Variants in AFDN observed in about 807,000 individuals in gnomAD.
The protein encoded by AFDN is afadin.
A neutral mutation model predicts 216.6 loss-of-function variants in AFDN; 68 were observed. That is an observed-to-expected ratio of 0.31 (90% CI 0.26 to 0.38). The LOEUF (loss-of-function observed/expected upper bound fraction) is 0.38, where lower values mean the gene tolerates loss of function less well. AFDN is among the 10% of genes least tolerant of loss of function. The pLI is 1.00. For synonymous variants in AFDN, 868 were observed against 853.7 expected (o/e 1.02, Z -0.29); for missense variants, 2,136 against 2,342.0 (o/e 0.91, Z 1.82).
intron 1 of AFDN, among the ~76,000 whole-genome samples, chr6:167,831,942 GTTTC>G (rs1219077070): frequency 6.6e-6 from 1 of 152,146 alleles, no homozygotes; most frequent in Non-Finnish European, 1.5e-5. Context: ...ATATAAACAT[GTTTC>G]TTTATTATAA....
At chr6:167,923,837 C>T (rs960112612) in intron 22 of AFDN, among the ~76,000 whole-genome samples, 1 of 151,920 alleles carries the variant, frequency 6.6e-6, no homozygotes, top group Non-Finnish European at 1.5e-5. Flanking sequence ...GTTGGCCAGC[C>T]TGGTCTCGAA....
At chr6:167,930,938 C>T (rs1368124671) in intron 23 of AFDN, among the ~76,000 whole-genome samples, 1 of 152,112 alleles carries the variant, frequency 6.6e-6, no homozygotes, top group Non-Finnish European at 1.5e-5. Context: ...GAAGTACAAC[C>T]AGAGACTAGT....
rs965086553 is a variant in AFDN, at chr6:167,954,596, G to A, written c.4833+2409G>A. 6 of 947,084 alleles carry A rather than the reference G, an allele frequency of 6.3e-6. No individual in the cohort carries two copies. The Admixed American group carries it at 8.5e-5, about 13-fold the overall frequency. The allele number at this position is 947,084 out of a possible 1,614,324, so 58.7% of individuals were successfully genotyped here. ...TTTTCAGTAGATCCAGTTCTCCTTA[G>A]GGGTGTCCTCCATCAGGAGATGGAG... is the stretch of plus-strand genomic sequence containing the variant. On this transcript the variant is annotated intron_variant, in intron 30 of 33. Coordinates refer to ENST00000683244, the MANE Select transcript of AFDN (RefSeq NM_001386888.1).
intron 23 of AFDN, among the ~76,000 whole-genome samples, chr6:167,942,203 C>A (rs1794776209): frequency 6.6e-6 from 1 of 152,128 alleles, no homozygotes; most frequent in Non-Finnish European, 1.5e-5. Context: ...CGAGTGGTTT[C>A]CAAGTGAAAA....
intron 24 of AFDN, 66 bp from the exon 25 acceptor site, chr6:167,943,336 T>G: frequency 6.6e-7 from 1 of 1,515,734 alleles, no homozygotes; most frequent in East Asian, 2.3e-5. Context: ...CATCATTACC[T>G]TTTCTTCCTC....
intron 3 of AFDN, among the ~76,000 whole-genome samples, 175 bp from the exon 4 acceptor site, chr6:167,872,039 A>G (rs1784853356): frequency 6.6e-6 from 1 of 152,186 alleles, no homozygotes; most frequent in African/African-American, 2.4e-5. Flanking sequence ...AAATACACCC[A>G]TGTAACTGCC....
chr6:167,916,614 G>A (rs543079470), intron 19 of AFDN, among the ~76,000 whole-genome samples: 6 of 152,106 alleles, frequency 3.9e-5, no homozygotes, highest in African/African-American at 1.4e-4. Context: ...TGCAATTAAC[G>A]AAATGAGTCA....
chr6:167,926,936 T>C (rs955864538), intron 23 of AFDN, among the ~76,000 whole-genome samples: 9 of 151,592 alleles, frequency 5.9e-5, no homozygotes, highest in Non-Finnish European at 1.3e-4. Context: ...ATAAGAACAA[T>C]TTTTTTTTAC....
At position 167,827,061 on chromosome 6, in the gene AFDN, C is replaced by T; in HGVS notation, c.-72C>T. On this transcript the variant is annotated 5_prime_UTR_variant, in exon 1 of 34. Transcript: ENST00000683244. ...GGGGGGTGGCGAGGGGCGCCGGGCC[C>T]CCGCGGACCTGTCGTCCTCGGCCCG... The T allele has an allele frequency of 1.4e-6, 1 of 734,894 alleles. No individual in the cohort carries two copies. Among genetic ancestry groups the T allele is most frequent in the Non-Finnish European group, 1.7e-6 (1 of 595,258 alleles). 45.5% of individuals were successfully genotyped at this position (734,894 alleles called of 1,614,324 possible). A position where few individuals can be genotyped will look rare whatever the true frequency, so the allele number is the denominator to read the frequency against.
intron 15 of AFDN, among the ~76,000 whole-genome samples, chr6:167,912,721 G>C (rs1790560036): frequency 6.6e-6 from 1 of 152,140 alleles, no homozygotes; most frequent in African/African-American, 2.4e-5. Context: ...ACCCTTGATA[G>C]CCTTTTCCTT....
At chr6:167,944,660 A>C (rs1795063995) in intron 26 of AFDN, among the ~76,000 whole-genome samples, 2 of 152,210 alleles carry the variant, frequency 1.3e-5, no homozygotes, top group South Asian at 4.1e-4. Flanking sequence ...TGTACTACAC[A>C]AACCTAGATG....
At chr6:167,902,836 A>G (rs1789162333) in intron 12 of AFDN, among the ~76,000 whole-genome samples, 1 of 152,188 alleles carries the variant, frequency 6.6e-6, no homozygotes, top group Non-Finnish European at 1.5e-5. Flanking sequence ...CACTTATAAA[A>G]CATCTTTGTA....
intron 23 of AFDN, among the ~76,000 whole-genome samples, chr6:167,928,359 G>A (rs1317371346): frequency 6.6e-6 from 1 of 152,204 alleles, no homozygotes; most frequent in Non-Finnish European, 1.5e-5. Flanking sequence ...GGGGCAATTA[G>A]GACAACAAGC....
At chr6:167,826,804 AGGTGCGGCGGCGCCGCGCGGG>A (rs1179728385), upstream of AFDN, 1 of 147,120 alleles carries the variant, frequency 6.8e-6, no homozygotes, top group African/African-American at 2.5e-5. Flanking sequence ...AGCGGCCCGG[AGGTGCGGCGGCGCCGCGCGGG>A]GCGGCGGCGC....
At position 167,948,352 on chromosome 6, in the gene AFDN, A is replaced by C; in HGVS notation, c.3705A>C (p.Arg1235Ser). The part of the protein sequence containing the change: ...AYPIPTQTYT[R>S]EYFTFPASKS... Reference sequence around the variant, plus strand: ...CCATCCCCACTCAGACGTACACCAGAGAGTATTTTACCTTCCCAGCTTCCA... The same window carrying C: ...CCATCCCCACTCAGACGTACACCAGCGAGTATTTTACCTTCCCAGCTTCCA... The change falls in exon 29 of 34, where the codon AGA (arginine) becomes AGC (serine). Residue 1235 changes from arginine to serine, a missense_variant. Physicochemically the swap from Arg to Ser is moderately radical, Grantham distance 110 (BLOSUM62 -1). Coordinates refer to ENST00000683244, the MANE Select transcript of AFDN (RefSeq NM_001386888.1). The C allele has an allele frequency of 6.2e-7, 1 of 1,614,172 alleles. No individual in the cohort carries two copies. The highest frequency in any genetic ancestry group is 8.5e-7 in the Non-Finnish European group (1 of 1,180,028).
Position 167,969,125 on chromosome 6 carries a change from T to TA in AFDN, c.5270dup (p.Tyr1757Ter). ...EDCSLAGPNS[Y>*]PGSTGAAVGA... ...CTTTCATGGAAAAGGACCAAACTCTTACCCAGGATCTACTGGAGCAGCTGT... is the reference window on the plus strand; with the variant it reads ...CTTTCATGGAAAAGGACCAAACTCTTAACCCAGGATCTACTGGAGCAGCTGT... Residue 1757 changes from tyrosine (Y) to a stop codon, truncating the protein, a stop_gained and frameshift_variant, in exon 33 of 34, where the codon TAC (tyrosine) becomes TAAC (stop). Transcript: ENST00000683244. LOFTEE classifies it high-confidence loss of function. The TA allele has an allele frequency of 6.2e-7, 1 of 1,613,590 alleles. No individual in the cohort carries two copies. The highest frequency in any genetic ancestry group is 8.5e-7 in the Non-Finnish European group (1 of 1,179,524).
intron 1 of AFDN, among the ~76,000 whole-genome samples, chr6:167,836,335 C>T (rs74499189): frequency 0.11 from 17,468 of 152,186 alleles, 1,189 homozygotes; most frequent in South Asian, 0.22. Flanking sequence ...CCTTCAGTCT[C>T]CGTCTCCCAA....
chr6:167,953,801 G>T (rs1322339913), intron 30 of AFDN, among the ~76,000 whole-genome samples: 1 of 152,190 alleles, frequency 6.6e-6, no homozygotes, highest in East Asian at 1.9e-4. Flanking sequence ...CACTAAGATG[G>T]ATTCGTTAGG....
intron 5 of AFDN, among the ~76,000 whole-genome samples, chr6:167,875,848 T>C (rs543401191): frequency 6.6e-6 from 1 of 152,350 alleles, no homozygotes; most frequent in Admixed American, 6.5e-5. Flanking sequence ...AAACTATTAT[T>C]GGGAAGCAAA....
Sources: gnomAD v4.1 joint callset for allele counts (sites outside exome capture counted in the v4.1 genomes callset) on GRCh38, gnomAD v4.1.1 for gene constraint, MANE v1.5 for transcripts, NCBI Gene and HGNC (gene_info 2026-07-23, HGNC 2026-07-21) for gene names.